Variants in CFAP74 observed in about 807,000 individuals in gnomAD.
The protein encoded by CFAP74 is cilia- and flagella-associated protein 74.
A neutral mutation model predicts 188.9 loss-of-function variants in CFAP74; 124 were observed. That is an observed-to-expected ratio of 0.66 (90% CI 0.57 to 0.76). CFAP74 has a LOEUF of 0.76. Ranked by LOEUF, CFAP74 falls within the 30% of genes least tolerant of loss-of-function variation. CFAP74 has a pLI of 0.00. For synonymous variants in CFAP74, 956 were observed against 916.7 expected, an observed-to-expected ratio of 1.04 and a Z score of -0.77; for missense variants, 2,198 against 2,165.2, an observed-to-expected ratio of 1.02 and a Z score of -0.30.
intron 19 of CFAP74, 145 bp from the exon 20 acceptor site, chr1:1,946,584 G>C: frequency 9.4e-7 from 1 of 1,062,496 alleles, no homozygotes; most frequent in South Asian, 1.7e-5. Flanking sequence ...AGATGTCCTG[G>C]GCCTGGCCCA....
chr1:1,963,284 C>G (rs150463360), intron 14 of CFAP74, among the ~76,000 whole-genome samples: 1 of 152,064 alleles, frequency 6.6e-6, no homozygotes, highest in South Asian at 2.1e-4. Flanking sequence ...AACCCGGTCT[C>G]TACTAAAAAT....
At chr1:1,928,683 C>T (rs567271274) in intron 27 of CFAP74, 101 bp downstream of exon 27, 20 of 815,972 alleles carry the variant, frequency 2.5e-5, no homozygotes, top group East Asian at 2.1e-4. Context: ...CCTGTGCTCC[C>T]GGCACGTGGC....
In CFAP74 at chr1:1,980,485, G is replaced by A. The variant is rs1479921000; in HGVS notation, c.500+4901C>T. Reference sequence around the variant, plus strand: ...TGTATCTAAGCCACCGGCACAGATCGCAGTGGGCGCCTCACAGCAGCCCCC... The same window carrying A: ...TGTATCTAAGCCACCGGCACAGATCACAGTGGGCGCCTCACAGCAGCCCCC... On this transcript the variant is annotated intron_variant, in intron 6 of 38. Coordinates refer to ENST00000682832, the MANE Select transcript of CFAP74 (RefSeq NM_001304360.2). Among the ~76,000 whole-genome samples the A allele has an allele frequency of 2.6e-5, 4 of 151,126 alleles. 1 individual carries two copies. Among genetic ancestry groups the A allele is most frequent in the Non-Finnish European group, 4.4e-5 (3 of 67,696 alleles).
At position 1,944,407 on chromosome 1, in the gene CFAP74, C is replaced by T; in HGVS notation, c.2410G>A (p.Val804Met). 6.5e-7 allele frequency: 1 copy of T among 1,536,132 alleles called. No individual in the cohort carries two copies. The highest frequency in any genetic ancestry group is 8.7e-7 in the Non-Finnish European group (1 of 1,146,892). The change falls in exon 21 of 39, where the codon GTG (valine) becomes ATG (methionine). Residue 804 changes from valine to methionine, a missense_variant. By Grantham distance (21) the Val-to-Met change is conservative (BLOSUM62 1). Coordinates refer to ENST00000682832, the MANE Select transcript of CFAP74 (RefSeq NM_001304360.2). ...VGVAIDVPVW[V>M]PKPSVDLKIC... ...TTCAGGTCCACGCTGGGCTTCGGCA[C>T]CCAGACCGGCACATCGATGGCCACG... is the stretch of plus-strand genomic sequence containing the variant.
At position 1,939,924 on chromosome 1, in the gene CFAP74, T is replaced by C. The variant is rs181007215; in HGVS notation, c.2704-157A>G. On this transcript the variant is annotated intron_variant, in intron 23 of 38. Coordinates refer to ENST00000682832, the MANE Select transcript of CFAP74 (RefSeq NM_001304360.2). ...TCTCTTCATAAAACCCACTTCCCTG[T>C]GACTGCTCCCTGACATGGCGGGAGG... 3.7e-3 allele frequency among the ~76,000 whole-genome samples: 556 copies of C among 152,310 alleles called. 6 individuals are homozygous for C. Among genetic ancestry groups the C allele is most frequent in the African/African-American group, 0.012 (517 of 41,562 alleles).
At chr1:1,935,446 G>T (rs1570848322) in intron 25 of CFAP74, among the ~76,000 whole-genome samples, 1 of 97,118 alleles carries the variant, frequency 1.0e-5, no homozygotes, top group Non-Finnish European at 2.2e-5. Flanking sequence ...GTGTACGTGG[G>T]TGTTAGGTTG....
intron 25 of CFAP74, among the ~76,000 whole-genome samples, chr1:1,936,256 T>C (rs976339404): frequency 1.3e-5 from 2 of 148,392 alleles, no homozygotes; most frequent in Admixed American, 6.7e-5. Context: ...AAAAGCTCTC[T>C]GATCTGCGGC....
chr1:1,995,222 G>T (rs542937492), intron 1 of CFAP74, among the ~76,000 whole-genome samples: 1 of 152,332 alleles, frequency 6.6e-6, no homozygotes, highest in Non-Finnish European at 1.5e-5. Flanking sequence ...GAACAAACCA[G>T]GTGAGGTGGC....
chr1:1,970,439 C>T (rs1570942555), intron 10 of CFAP74, among the ~76,000 whole-genome samples: 2 of 152,136 alleles, frequency 1.3e-5, no homozygotes, highest in East Asian at 1.9e-4. Context: ...GAGGGTTGGG[C>T]GTGGACTGGA....
intron 37 of CFAP74, 112 bp from the exon 38 acceptor site, chr1:1,922,835 G>T: frequency 2.0e-6 from 3 of 1,481,224 alleles, no homozygotes; most frequent in Non-Finnish European, 2.7e-6. Flanking sequence ...TGACCAGGCT[G>T]CCCACCCCAC....
Position 1,948,594 on chromosome 1 carries a change from G to GTTTT in CFAP74, c.2177-1544_2177-1541dup, listed in dbSNP as rs56188156. Among the ~76,000 whole-genome samples the GTTTT allele has an allele frequency of 4.1e-4, 50 of 122,054 alleles. 1 individual carries two copies. Among genetic ancestry groups the GTTTT allele is most frequent in the Non-Finnish European group, 5.5e-4 (34 of 62,198 alleles). 80.1% of individuals were successfully genotyped at this position (122,054 alleles called of 152,430 possible). A position where few individuals can be genotyped will look rare whatever the true frequency, so the allele number is the denominator to read the frequency against. On this transcript the variant is annotated intron_variant, in intron 18 of 38. Transcript: ENST00000682832. Reference sequence around the variant, plus strand: ...CTAGTCTTTTCTTTCCTTTCTTCTTGTTTTTTTTTTTTTTGGCAGGGTCTC... The same window carrying GTTTT: ...CTAGTCTTTTCTTTCCTTTCTTCTTGTTTTTTTTTTTTTTTTTTGGCAGGGTCTC...
intron 1 of CFAP74, among the ~76,000 whole-genome samples, chr1:2,001,689 T>C (rs1230902508): frequency 6.6e-6 from 1 of 152,182 alleles, no homozygotes; most frequent in African/African-American, 2.4e-5. Context: ...AGATACCACC[T>C]TAATCAAGAG....
Position 1,942,386 on chromosome 1 carries a change from C to T in CFAP74, c.2487-230G>A, listed in dbSNP as rs1653443666. On this transcript the variant is annotated intron_variant, in intron 21 of 38. Transcript: ENST00000682832. The surrounding 1 kb of genome is among the most constrained non-coding windows in gnomAD (Gnocchi z 4.3). The stretch of plus-strand genomic sequence containing the variant: ...TCTGATGAAGAATTCTTAAAAATAA[C>T]CACATCGAAACGGAAGCACGGTCCT... Among the ~76,000 whole-genome samples the T allele has an allele frequency of 6.6e-6, 1 of 152,184 alleles. No homozygotes were observed. The highest frequency in any genetic ancestry group is 2.4e-5 in the African/African-American group (1 of 41,446).
chr1:1,980,930 G>A (rs1209453297), intron 6 of CFAP74, among the ~76,000 whole-genome samples: 2 of 152,208 alleles, frequency 1.3e-5, no homozygotes, highest in African/African-American at 2.4e-5. Context: ...CGGATGACGC[G>A]CATGGTGTGG....
chr1:1,964,295 TGCTACATCCCTGTCCCG>T (rs911243385), intron 13 of CFAP74, among the ~76,000 whole-genome samples: 2 of 152,204 alleles, frequency 1.3e-5, no homozygotes, highest in African/African-American at 4.8e-5. Flanking sequence ...ACCCTGTCCC[TGCTACATCCCTGTCCCG>T]AGGTTCAGGG....
Position 1,935,241 on chromosome 1 carries a change from T to C in CFAP74, c.3011+3614A>G, listed in dbSNP as rs747153749. On this transcript the variant is annotated intron_variant, in intron 25 of 38. Coordinates refer to ENST00000682832, the MANE Select transcript of CFAP74 (RefSeq NM_001304360.2). ...GTAGGTACACACGTGTGTACGTGGG[T>C]GTTAGGCTGTAAGTACACACGTGTG... Among the ~76,000 whole-genome samples the C allele has an allele frequency of 2.4e-5, 2 of 83,546 alleles. 1 individual carries two copies. The highest frequency in any genetic ancestry group is 4.9e-5 in the Non-Finnish European group (2 of 40,498). The allele number at this position is 83,546 out of a possible 152,430, so 54.8% of individuals were successfully genotyped here.
chr1:1,922,427 G>A (rs1043142346), intron 38 of CFAP74, 39 bp from the exon 39 acceptor site: 3 of 1,581,580 alleles, frequency 1.9e-6, no homozygotes, highest in African/African-American at 2.7e-5. Context: ...CCTTCAGTCA[G>A]TGGGCACCCA....
chr1:1,925,806 C>T lies in CFAP74; in HGVS notation c.4081G>A (p.Glu1361Lys). The T allele has an allele frequency of 6.2e-7, 1 of 1,612,574 alleles. No individual in the cohort carries two copies. The highest frequency in any genetic ancestry group is 8.5e-7 in the Non-Finnish European group (1 of 1,179,852). ...ACCTTGAAGCCTGAGGACACAGACT[C>T]TCCGGCAATCACATAGCCCATGTTG... ...VLNMGYVIAG[E>K]SVSSGFKLQN... Residue 1361 changes from glutamate (E) to lysine (K), a missense_variant, in exon 33 of 39, where the codon GAG (glutamate) becomes AAG (lysine). Glu to Lys is a moderately conservative substitution (Grantham distance 56). Coordinates refer to ENST00000682832, the MANE Select transcript of CFAP74 (RefSeq NM_001304360.2).
In CFAP74 at chr1:1,988,514, CATCTT is replaced by C. The variant is rs1476588489; in HGVS notation, c.289_293del (p.Lys97GlufsTer62). On this transcript the variant is annotated frameshift_variant, in exon 4 of 39. Coordinates refer to ENST00000682832, the MANE Select transcript of CFAP74 (RefSeq NM_001304360.2). LOFTEE classifies it high-confidence loss of function. Reference sequence around the variant, plus strand: ...CAGCGGCCTCAGCCCCAGCTCACCTCATCTTCTCAGTGAAAAGCTCTTGCTCCTCA... The same window carrying C: ...CAGCGGCCTCAGCCCCAGCTCACCTCCTCAGTGAAAAGCTCTTGCTCCTCA... The C allele has an allele frequency of 9.3e-6, 15 of 1,611,616 alleles. No homozygotes were observed. The highest frequency in any genetic ancestry group is 1.3e-5 in the Non-Finnish European group (15 of 1,180,004).
Sources: gnomAD v4.1 joint callset for allele counts (sites outside exome capture counted in the v4.1 genomes callset) on GRCh38, gnomAD v4.1.1 for gene constraint, Gnocchi (gnomAD v3.1) non-coding constraint, MANE v1.5 for transcripts, NCBI Gene and HGNC (gene_info 2026-07-23, HGNC 2026-07-21) for gene names.